The following IL1RAPL1 variants were observed in gnomAD, a reference collection of about 807,000 sequenced individuals.
IL1RAPL1 encodes the protein interleukin-1 receptor accessory protein-like 1.
IL1RAPL1 carries 3 observed loss-of-function variants against 48.4 expected under a neutral mutation model. The observed-to-expected ratio is 0.06, with a 90% CI of 0.03 to 0.16. The LOEUF (loss-of-function observed/expected upper bound fraction) is 0.16. IL1RAPL1 is among the 10% of genes least tolerant of loss of function. The pLI is 1.00. For missense variants in IL1RAPL1, 349 were observed against 530.6 expected (o/e 0.66, Z 3.36); for synonymous variants, 185 against 187.7 (o/e 0.99, Z 0.12).
intron 1 of IL1RAPL1, among the ~76,000 whole-genome samples, chrX:28,723,292 G>A (rs980315899): frequency 5.4e-5 from 6 of 110,519 alleles, no homozygotes; most frequent in African/African-American, 1.6e-4. Flanking sequence ...GTCTATTCAG[G>A]GATTCAACTT....
intron 1 of IL1RAPL1, among the ~76,000 whole-genome samples, chrX:28,618,273 G>A (rs891309734): frequency 2.7e-5 from 3 of 111,882 alleles, no homozygotes; most frequent in Non-Finnish European, 1.9e-5. Context: ...AACATAAAAC[G>A]ATATCTGATT....
At chrX:28,706,508 G>A (rs1935375957) in intron 1 of IL1RAPL1, among the ~76,000 whole-genome samples, 2 of 110,172 alleles carry the variant, frequency 1.8e-5, no homozygotes, top group South Asian at 7.9e-4. Context: ...TGCTTCGCGG[G>A]TTCAAGTGAT....
chrX:29,315,230 C>T (rs958329531), intron 3 of IL1RAPL1, among the ~76,000 whole-genome samples: 3 of 111,548 alleles, frequency 2.7e-5, no homozygotes, highest in Non-Finnish European at 5.7e-5. Flanking sequence ...AAGATGAGTT[C>T]GGATAACAAA....
At chrX:28,763,170 G>C (rs949618274) in intron 1 of IL1RAPL1, among the ~76,000 whole-genome samples, 2 of 111,173 alleles carry the variant, frequency 1.8e-5, no homozygotes, top group African/African-American at 6.6e-5. Context: ...AGGGGCATAG[G>C]ATAAGTAGCC....
intron 2 of IL1RAPL1, among the ~76,000 whole-genome samples, chrX:28,791,773 G>A (rs920577520): frequency 2.7e-5 from 3 of 111,699 alleles, no homozygotes; most frequent in African/African-American, 9.8e-5. Context: ...TGGATATTAA[G>A]TGTGCACTTT....
At chrX:29,136,411 G>A (rs1169272750) in intron 2 of IL1RAPL1, among the ~76,000 whole-genome samples, 3 of 111,906 alleles carry the variant, frequency 2.7e-5, no homozygotes, top group African/African-American at 9.7e-5. Flanking sequence ...ACAGGCGTGA[G>A]CTAACACTCC....
At chrX:29,151,777 G>A (rs191490888) in intron 2 of IL1RAPL1, among the ~76,000 whole-genome samples, 5 of 110,636 alleles carry the variant, frequency 4.5e-5, no homozygotes, top group East Asian at 2.9e-4. Context: ...CTCTTCCTGC[G>A]TGTAGTGCAA....
intron 5 of IL1RAPL1, among the ~76,000 whole-genome samples, chrX:29,590,663 A>G (rs1399414280): frequency 8.9e-5 from 10 of 111,834 alleles, no homozygotes. Flanking sequence ...ACAGGGGCTC[A>G]TCCAAGGTCA....
chrX:29,136,042 G>A (rs904969980), intron 2 of IL1RAPL1, among the ~76,000 whole-genome samples: 1 of 110,832 alleles, frequency 9.0e-6, no homozygotes, highest in African/African-American at 3.3e-5. Context: ...CAGCCATTAA[G>A]TCTTACATTT....
At chrX:29,740,346 C>T (rs189847184) in intron 6 of IL1RAPL1, among the ~76,000 whole-genome samples, 2 of 110,998 alleles carry the variant, frequency 1.8e-5, no homozygotes, top group African/African-American at 6.5e-5. Context: ...AATTTTAGTT[C>T]GTCATCTCTA....
At chrX:28,972,342 A>G (rs1925097784) in intron 2 of IL1RAPL1, among the ~76,000 whole-genome samples, 1 of 112,234 alleles carries the variant, frequency 8.9e-6, no homozygotes, top group African/African-American at 3.2e-5. Flanking sequence ...AAGATAGGGT[A>G]TTGTTATGTC....
At chrX:28,698,894 C>T (rs1375162722) in intron 1 of IL1RAPL1, among the ~76,000 whole-genome samples, 1 of 112,049 alleles carries the variant, frequency 8.9e-6, no homozygotes, top group Non-Finnish European at 1.9e-5. Context: ...GAATACTACA[C>T]AGAAAGAAGT....
intron 6 of IL1RAPL1, among the ~76,000 whole-genome samples, chrX:29,774,919 C>T (rs755122048): frequency 1.8e-5 from 2 of 112,069 alleles, no homozygotes; most frequent in Non-Finnish European, 3.8e-5. Context: ...CATACTTTTC[C>T]TTGTTGTACT....
At chrX:29,705,350 G>A (rs770988417) in intron 6 of IL1RAPL1, among the ~76,000 whole-genome samples, 2 of 110,896 alleles carry the variant, frequency 1.8e-5, no homozygotes, top group Non-Finnish European at 3.8e-5. Flanking sequence ...AAGTAGCCGG[G>A]ATTACAGGCG....
intron 6 of IL1RAPL1, among the ~76,000 whole-genome samples, chrX:29,905,955 G>GT (rs756774152): frequency 9.0e-6 from 1 of 110,951 alleles, no homozygotes. Flanking sequence ...AGACAAAATT[G>GT]TTTTTTTCCC....
chrX:29,331,579 G>A (rs1367431474), intron 3 of IL1RAPL1, among the ~76,000 whole-genome samples: 1 of 111,844 alleles, frequency 8.9e-6, no homozygotes, highest in African/African-American at 3.2e-5. Context: ...TCAAGAGTAA[G>A]GAACAGATGC....
chrX:29,951,824 G>A (rs1933325419), intron 9 of IL1RAPL1, among the ~76,000 whole-genome samples: 1 of 111,529 alleles, frequency 9.0e-6, no homozygotes, highest in South Asian at 3.8e-4. Context: ...TTACAGGTAG[G>A]AGTGGGGGAC....
chrX:29,773,223 G>A (rs1929108938), intron 6 of IL1RAPL1, among the ~76,000 whole-genome samples: 1 of 112,092 alleles, frequency 8.9e-6, no homozygotes, highest in Non-Finnish European at 1.9e-5. Flanking sequence ...ATACACAGAA[G>A]TAGAGGTGGC....
intron 6 of IL1RAPL1, among the ~76,000 whole-genome samples, chrX:29,837,280 T>A (rs868831394): frequency 0.019 from 1,245 of 64,887 alleles, 75 homozygotes; most frequent in African/African-American, 0.087. Context: ...AAAATATATA[T>A]ATATATATAT....
Sources: allele counts gnomAD v4.1 joint callset (sites outside exome capture counted in the v4.1 genomes callset), GRCh38; gene constraint gnomAD v4.1.1; transcripts MANE v1.5; gene names NCBI Gene and HGNC (gene_info 2026-07-23, HGNC 2026-07-21).